The following FOCAD variants were observed in gnomAD, a reference collection of about 807,000 sequenced individuals.
FOCAD encodes the protein KIAA1797.
FOCAD carries 198 observed loss-of-function variants against 225.6 expected under a neutral mutation model. The observed-to-expected ratio is 0.88, with a 90% CI of 0.78 to 0.99. The LOEUF is 0.99. FOCAD is among the 50% of genes least tolerant of loss of function. The probability of loss-of-function intolerance (pLI) is 0.00; values close to 1 mark genes in which losing one functional copy is unlikely to be tolerated. For synonymous variants in FOCAD, 897 were observed against 755.0 expected (o/e 1.19, Z -3.08); for missense variants, 2,713 against 2,123.6 (o/e 1.28, Z -5.46).
intron 11 of FOCAD, among the ~76,000 whole-genome samples, chr9:20,809,260 C>G (rs892846693): frequency 6.6e-6 from 1 of 152,136 alleles, no homozygotes; most frequent in East Asian, 1.9e-4. Flanking sequence ...TTTAGAACAG[C>G]TTTGTCCAAA....
At chr9:20,733,481 T>TA (rs1425764502) in intron 4 of FOCAD, among the ~76,000 whole-genome samples, 1 of 152,150 alleles carries the variant, frequency 6.6e-6, no homozygotes, top group Non-Finnish European at 1.5e-5. Context: ...GCATTAGGTA[T>TA]ATCTCCTAAT....
Position 20,995,780 on chromosome 9 carries a change from C to A in FOCAD, c.*151C>A. The A allele has an allele frequency of 1.7e-6, 1 of 593,504 alleles. No homozygotes were observed. Among genetic ancestry groups the A allele is most frequent in the South Asian group, 2.1e-5 (1 of 47,240 alleles). 36.8% of individuals were successfully genotyped at this position (593,504 alleles called of 1,614,324 possible). A position where few individuals can be genotyped will look rare whatever the true frequency, so the allele number is the denominator to read the frequency against. On this transcript the variant is annotated 3_prime_UTR_variant, in exon 44 of 44. Coordinates refer to ENST00000338382, the MANE Select transcript of FOCAD (RefSeq NM_001375567.1). Reference sequence around the variant, plus strand: ...GATGGCCACATCACTGACAGCTTGACACATGCCTCCTAAGAGAGGAGTGCA... The same window carrying A: ...GATGGCCACATCACTGACAGCTTGAAACATGCCTCCTAAGAGAGGAGTGCA...
chr9:20,776,445 T>TTAA (rs1818764174), intron 8 of FOCAD, among the ~76,000 whole-genome samples: 1 of 152,240 alleles, frequency 6.6e-6, no homozygotes, highest in Non-Finnish European at 1.5e-5. Context: ...GTACTATCCT[T>TTAA]TGGTGTCCAT....
chr9:20,990,831 G>A (rs1271997853), intron 42 of FOCAD, among the ~76,000 whole-genome samples: 1 of 152,148 alleles, frequency 6.6e-6, no homozygotes, highest in Non-Finnish European at 1.5e-5. Context: ...CAGGAAATGT[G>A]GGTCGGGAGC....
intron 6 of FOCAD, among the ~76,000 whole-genome samples, chr9:20,760,616 G>A (rs1829501987): frequency 6.6e-6 from 1 of 151,954 alleles, no homozygotes; most frequent in African/African-American, 2.4e-5. Flanking sequence ...CTCTGTTTAG[G>A]CATTTTTTTT....
intron 5 of FOCAD, among the ~76,000 whole-genome samples, chr9:20,741,453 A>G (rs1827606233): frequency 6.6e-6 from 1 of 152,144 alleles, no homozygotes; most frequent in African/African-American, 2.4e-5. Flanking sequence ...TTTTATGAAT[A>G]CATTATTGTT....
chr9:20,970,931 G>C (rs1440963720), intron 35 of FOCAD, among the ~76,000 whole-genome samples: 1 of 152,120 alleles, frequency 6.6e-6, no homozygotes, highest in Non-Finnish European at 1.5e-5. Context: ...CCACCATCCA[G>C]CTTCAGAACT....
intron 15 of FOCAD, among the ~76,000 whole-genome samples, chr9:20,862,168 C>T (rs1350396114): frequency 2.6e-5 from 4 of 151,920 alleles, no homozygotes; most frequent in Admixed American, 2.0e-4. Flanking sequence ...TTCAACAGGG[C>T]TGAAAAACTA....
intron 1 of FOCAD, among the ~76,000 whole-genome samples, chr9:20,696,183 C>T (rs1823353684): frequency 6.6e-6 from 1 of 152,166 alleles, no homozygotes; most frequent in Admixed American, 6.5e-5. Context: ...GCAAATCTTA[C>T]CAAATATTTC....
rs1194377807 is a variant in FOCAD at position 20,767,944 on chromosome 9, T to C, written c.700-2088T>C. 4.6e-5 allele frequency among the ~76,000 whole-genome samples: 7 copies of C among 152,242 alleles called. No individual in the cohort carries two copies. The East Asian group carries it at 1.3e-3, about 29-fold the overall frequency. On this transcript the variant is annotated intron_variant, in intron 7 of 43. Coordinates refer to ENST00000338382, the MANE Select transcript of FOCAD (RefSeq NM_001375567.1). ...GTGATGCCTAGGTTTTCTTCTAGGG[T>C]TTTTATGGTTTTATGTCTAATGTTT... is the stretch of plus-strand genomic sequence containing the variant.
intron 11 of FOCAD, among the ~76,000 whole-genome samples, chr9:20,799,882 C>T (rs1326735511): frequency 1.3e-5 from 2 of 152,044 alleles, no homozygotes; most frequent in South Asian, 2.1e-4. Flanking sequence ...GAATTTGATC[C>T]TGTCATTATG....
intron 10 of FOCAD, among the ~76,000 whole-genome samples, chr9:20,786,135 T>C (rs992188433): frequency 3.9e-5 from 6 of 152,326 alleles, no homozygotes; most frequent in African/African-American, 1.4e-4. Flanking sequence ...CTGAATCCTG[T>C]TACCTGCACT....
chr9:20,850,205 C>T (rs2383150), intron 15 of FOCAD, among the ~76,000 whole-genome samples: 50,812 of 151,260 alleles, frequency 0.34, 8,753 homozygotes, highest in East Asian at 0.47. Flanking sequence ...GAGAGGTGAC[C>T]AATAGCAGAC....
At chr9:20,760,669 T>C (rs1354431099) in intron 6 of FOCAD, among the ~76,000 whole-genome samples, 1 of 152,234 alleles carries the variant, frequency 6.6e-6, no homozygotes, top group African/African-American at 2.4e-5. Context: ...TAGGTGTGTC[T>C]CTTGCATGGT....
intron 1 of FOCAD, among the ~76,000 whole-genome samples, chr9:20,696,533 G>C (rs1438674462): frequency 1.3e-5 from 2 of 152,338 alleles, no homozygotes; most frequent in South Asian, 4.1e-4. Context: ...GCCAGGTGCT[G>C]TGGTTCATGC....
intron 6 of FOCAD, among the ~76,000 whole-genome samples, chr9:20,763,210 C>A (rs1253399640): frequency 2.0e-5 from 3 of 152,146 alleles, no homozygotes; most frequent in East Asian, 1.9e-4. Context: ...GATTGAGCAT[C>A]TCTTTGAAGG....
rs1819400434 is a variant in FOCAD at position 20,781,816 on chromosome 9, A to G, written c.1084A>G (p.Thr362Ala). 1.4e-5 allele frequency: 22 copies of G among 1,614,080 alleles called. No individual in the cohort carries two copies. The highest frequency in any genetic ancestry group is 1.7e-5 in the Non-Finnish European group (20 of 1,179,970). The change falls in exon 10 of 44, where the codon ACT becomes GCT. Residue 362 changes from threonine (T) to alanine (A), a missense_variant. By Grantham distance (58) the Thr-to-Ala change is moderately conservative. Coordinates refer to ENST00000338382, the MANE Select transcript of FOCAD (RefSeq NM_001375567.1). The part of the protein sequence containing the change: ...VMPILQILSS[T>A]ALEDCISVDE... ...GCCAATTCTGCAGATACTATCTTCT[A>G]CTGCCTTGGAAGACTGTATATCTGT... is the stretch of plus-strand genomic sequence containing the variant.
chr9:20,707,496 C>T (rs1824487337), intron 1 of FOCAD, among the ~76,000 whole-genome samples: 1 of 152,028 alleles, frequency 6.6e-6, no homozygotes, highest in Non-Finnish European at 1.5e-5. Flanking sequence ...ACTTAACTAC[C>T]AATAGTCTTA....
At chr9:20,661,930 T>C (rs576746634) in intron 2 of FOCAD, among the ~76,000 whole-genome samples, 5 of 152,164 alleles carry the variant, frequency 3.3e-5, no homozygotes, top group Admixed American at 1.3e-4. Flanking sequence ...AATGAGGAAA[T>C]TCTTTATATA....
Sources: gnomAD v4.1 joint callset for allele counts (sites outside exome capture counted in the v4.1 genomes callset) on GRCh38, gnomAD v4.1.1 for gene constraint, MANE v1.5 for transcripts, NCBI Gene and HGNC (gene_info 2026-07-23, HGNC 2026-07-21) for gene names.